IQGAP2: variants seen among roughly 807,000 people sequenced by gnomAD.
The protein encoded by IQGAP2 is ras GTPase-activating-like protein IQGAP2.
Under a neutral mutation model 201.3 loss-of-function variants are expected in IQGAP2, and 173 were observed. That is an observed-to-expected ratio of 0.86 (90% CI 0.76 to 0.98). The LOEUF (loss-of-function observed/expected upper bound fraction) is 0.98. IQGAP2 is among the 50% of genes least tolerant of loss of function. The pLI, the probability that IQGAP2 is intolerant of heterozygous loss-of-function variation, is 0.00. For missense variants in IQGAP2, 1,687 were observed against 1,864.8 expected (o/e 0.90, Z 1.76); for synonymous variants, 675 against 673.9 (o/e 1.00, Z -0.03).
chr5:76,499,923 T>C lies in IQGAP2; in HGVS notation c.146+38254T>C, dbSNP rs145163031. Among the ~76,000 whole-genome samples, 817 of 151,802 alleles carry C rather than the reference T, an allele frequency of 5.4e-3. 32 individuals carry two copies. The highest frequency in any genetic ancestry group is 0.049 in the Admixed American group (753 of 15,252). ...GAGTTCAAGACCAGCCTGGGAAGCA[T>C]AGTGAAACCTCATCCCTAAAAAAAA... On this transcript the variant is annotated intron_variant, in intron 2 of 35. Coordinates refer to ENST00000274364, the MANE Select transcript of IQGAP2 (RefSeq NM_006633.5).
chr5:76,563,146 C>T (rs1173730572), intron 3 of IQGAP2, among the ~76,000 whole-genome samples: 6 of 152,120 alleles, frequency 3.9e-5, no homozygotes, highest in Non-Finnish European at 8.8e-5. Flanking sequence ...AGGAGGATTG[C>T]TTGAGCCCAG....
At chr5:76,656,546 A>G (rs1742740705) in intron 20 of IQGAP2, among the ~76,000 whole-genome samples, 2 of 151,986 alleles carry the variant, frequency 1.3e-5, no homozygotes, top group Admixed American at 1.3e-4. Flanking sequence ...ACACTAAAAT[A>G]TGTTTGCTGT....
In IQGAP2 at chr5:76,462,627, G is replaced by C. The variant is rs149226043; in HGVS notation, c.146+958G>C. 8.1e-3 allele frequency among the ~76,000 whole-genome samples: 1,226 copies of C among 152,216 alleles called. 22 individuals are homozygous for C. Among genetic ancestry groups the C allele is most frequent in the African/African-American group, 0.028 (1,154 of 41,528 alleles). ...ACAAAGATATGTTCCAGCCCTCTTA[G>C]CTATATAGAAATAAATACTTGGTTA... is the stretch of plus-strand genomic sequence containing the variant. On this transcript the variant is annotated intron_variant, in intron 2 of 35. Coordinates refer to ENST00000274364, the MANE Select transcript of IQGAP2 (RefSeq NM_006633.5).
chr5:76,690,218 A>C (rs1746145515), intron 30 of IQGAP2, among the ~76,000 whole-genome samples: 1 of 152,156 alleles, frequency 6.6e-6, no homozygotes, highest in African/African-American at 2.4e-5. Flanking sequence ...TATTAAGGTC[A>C]TTGGTAACTG....
chr5:76,438,023 TTTTTTTTGTTTG>T (rs1752806833), intron 1 of IQGAP2, among the ~76,000 whole-genome samples: 1 of 54,502 alleles, frequency 1.8e-5, no homozygotes. Context: ...TTTTTTTTTT[TTTTTTTTGTTTG>T]TTTTTTTTTT....
At chr5:76,694,722 A>C (rs954887617) in intron 31 of IQGAP2, among the ~76,000 whole-genome samples, 1 of 152,206 alleles carries the variant, frequency 6.6e-6, no homozygotes, top group Non-Finnish European at 1.5e-5. Context: ...CCTGTGTCTA[A>C]GATTACTGTC....
chr5:76,654,945 T>A lies in IQGAP2; in HGVS notation c.2262T>A (p.Ile754=). Residue 754 remains isoleucine (I), a synonymous_variant, in exon 20 of 36, where the codon ATT becomes ATA. Coordinates refer to ENST00000274364, the MANE Select transcript of IQGAP2 (RefSeq NM_006633.5). ...TTAATCTTTTGCAGAATAATGAAAT[T>A]GTGAAAATACAGTCACTGTTGAGAG... ...LQYFRDHNNE[I]VKIQSLLRAN... The A allele has an allele frequency of 6.2e-7, 1 of 1,610,820 alleles. No homozygotes were observed. Among genetic ancestry groups the A allele is most frequent in the Non-Finnish European group, 8.5e-7 (1 of 1,177,164 alleles).
At chr5:76,569,791 A>G (rs879432283) in intron 3 of IQGAP2, among the ~76,000 whole-genome samples, 3 of 152,220 alleles carry the variant, frequency 2.0e-5, no homozygotes, top group Non-Finnish European at 2.9e-5. Flanking sequence ...GCATTTAATT[A>G]GTGAAAAGCA....
intron 9 of IQGAP2, among the ~76,000 whole-genome samples, chr5:76,593,201 T>A (rs1316829446): frequency 5.3e-5 from 8 of 152,216 alleles, no homozygotes; most frequent in Admixed American, 5.2e-4. Flanking sequence ...TCTGTCACTT[T>A]TGGGGCTAAT....
intron 5 of IQGAP2, among the ~76,000 whole-genome samples, chr5:76,588,444 A>T (rs566350490): frequency 3.3e-5 from 5 of 152,296 alleles, no homozygotes; most frequent in African/African-American, 1.2e-4. Flanking sequence ...CACTCTATTT[A>T]TTGGTTTAGA....
chr5:76,443,205 G>A (rs2150106647), intron 1 of IQGAP2, among the ~76,000 whole-genome samples: 1 of 152,220 alleles, frequency 6.6e-6, no homozygotes, highest in East Asian at 1.9e-4. Flanking sequence ...TATACAAATA[G>A]TCTCCAGAGT....
At chr5:76,582,093 C>G (rs1580513154) in intron 5 of IQGAP2, among the ~76,000 whole-genome samples, 3 of 152,214 alleles carry the variant, frequency 2.0e-5, no homozygotes, top group Admixed American at 2.0e-4. Context: ...ATTATTACTC[C>G]CATTTTATCA....
chr5:76,474,939 C>T (rs1212983331), intron 2 of IQGAP2, among the ~76,000 whole-genome samples: 6 of 152,066 alleles, frequency 3.9e-5, no homozygotes, highest in East Asian at 1.9e-4. Context: ...CTTGAACTCC[C>T]GACCTCATGT....
At position 76,477,888 on chromosome 5, in the gene IQGAP2, TAAA is replaced by T. The variant is rs559499590; in HGVS notation, c.146+16222_146+16224del. Among the ~76,000 whole-genome samples, 127 of 150,926 alleles carry T rather than the reference TAAA, an allele frequency of 8.4e-4. 1 individual carries two copies. In the South Asian group the frequency reaches 0.018, roughly 21 times the overall value. ...AAGTTTAAAAAGTAAAAAAAAAAAT[TAAA>T]AAGTTAAAAATAGAAAAAAGCTTAT... On this transcript the variant is annotated intron_variant, in intron 2 of 35. Coordinates refer to ENST00000274364, the MANE Select transcript of IQGAP2 (RefSeq NM_006633.5).
At chr5:76,673,885 G>C (rs1744572749) in intron 25 of IQGAP2, 67 bp from the exon 26 acceptor site, 1 of 931,754 alleles carries the variant, frequency 1.1e-6, no homozygotes. Flanking sequence ...TGGAACAATT[G>C]CTGTGTGTTT....
chr5:76,468,194 T>C (rs1754889821), intron 2 of IQGAP2, among the ~76,000 whole-genome samples: 1 of 152,190 alleles, frequency 6.6e-6, no homozygotes, highest in African/African-American at 2.4e-5. Context: ...TTAAATAAGA[T>C]CAATTGGTAT....
chr5:76,436,591 C>A (rs541108984), intron 1 of IQGAP2, among the ~76,000 whole-genome samples: 6 of 126,672 alleles, frequency 4.7e-5, no homozygotes, highest in South Asian at 5.5e-4. Flanking sequence ...AGTGCAGTGG[C>A]GCAATCTCGG....
rs1455788954 is a variant in IQGAP2 at position 76,449,707 on chromosome 5, TCTG to T, written c.47-11858_47-11856del. Among the ~76,000 whole-genome samples the T allele has an allele frequency of 5.3e-5, 8 of 152,344 alleles. No individual in the cohort carries two copies. In the East Asian group the frequency reaches 1.5e-3, roughly 29 times the overall value. On this transcript the variant is annotated intron_variant, in intron 1 of 35. Transcript: ENST00000274364. ...GCCTAGCTTCATAATTGTAGACACT[TCTG>T]CTGCACAAATGCTGGCAGGGCTCTC... is the stretch of plus-strand genomic sequence containing the variant.
Position 76,437,824 on chromosome 5 carries a change from C to T in IQGAP2, c.47-23746C>T, listed in dbSNP as rs951386311. Among the ~76,000 whole-genome samples the T allele has an allele frequency of 2.0e-5, 3 of 152,122 alleles. No homozygotes were observed. The South Asian group carries it at 6.2e-4, about 31-fold the overall frequency. ...CATGTCTTTGCTATTGTAAATAGTG[C>T]TGTAATGAACATACACATGCATACA... On this transcript the variant is annotated intron_variant, in intron 1 of 35. Transcript: ENST00000274364.
Sources: gnomAD v4.1 joint callset for allele counts (sites outside exome capture counted in the v4.1 genomes callset) on GRCh38, gnomAD v4.1.1 for gene constraint, MANE v1.5 for transcripts, NCBI Gene and HGNC (gene_info 2026-07-23, HGNC 2026-07-21) for gene names.